The following FGFR2 variants were observed in gnomAD, a reference collection of about 807,000 sequenced individuals.
FGFR2 encodes the protein BEK fibroblast growth factor receptor.
Under a neutral mutation model 95.9 loss-of-function variants are expected in FGFR2, and 19 were observed. That is an observed-to-expected ratio of 0.20 (90% CI 0.14 to 0.29). FGFR2 has a LOEUF of 0.29. FGFR2 is among the 10% of genes least tolerant of loss of function. The pLI, the probability that FGFR2 is intolerant of heterozygous loss-of-function variation, is 1.00. For synonymous variants in FGFR2, 392 were observed against 393.3 expected (o/e 1.00, Z 0.04); for missense variants, 707 against 1,056.9 (o/e 0.67, Z 4.59).
At position 121,479,940 on chromosome 10, in the gene FGFR2, C is replaced by A. The variant is rs1024846807; in HGVS notation, c.2383G>T (p.Asp795Tyr). Residue 795 changes from aspartate (D) to tyrosine (Y), a missense_variant, in exon 18 of 18, where the codon GAT becomes TAT. Asp to Tyr is a radical substitution (Grantham distance 160, BLOSUM62 -3). Transcript: ENST00000358487. ...DTRSSCSSGD[D>Y]SVFSPDPMPY... Reference sequence around the variant, plus strand: ...ATGGGGTCTGGAGAAAAAACAGAATCATCTCCTGAAGAACAAGAACTTCTT... The same window carrying A: ...ATGGGGTCTGGAGAAAAAACAGAATAATCTCCTGAAGAACAAGAACTTCTT... 1 of 1,614,152 alleles carries A rather than the reference C, an allele frequency of 6.2e-7. No individual in the cohort carries two copies. Among genetic ancestry groups the A allele is most frequent in the Non-Finnish European group, 8.5e-7 (1 of 1,180,020 alleles).
At chr10:121,520,644 A>C (rs1331580111) in intron 6 of FGFR2, among the ~76,000 whole-genome samples, 2 of 151,424 alleles carry the variant, frequency 1.3e-5, no homozygotes, top group East Asian at 1.9e-4. Context: ...CTCCCAATAC[A>C]TTTTTTTTTC....
intron 9 of FGFR2, among the ~76,000 whole-genome samples, chr10:121,511,777 T>C (rs1208743326): frequency 6.6e-6 from 1 of 152,230 alleles, no homozygotes; most frequent in African/African-American, 2.4e-5. Flanking sequence ...TTCAACCATG[T>C]GCATACAAAG....
chr10:121,558,521 AG>A (rs1856498528), intron 4 of FGFR2, among the ~76,000 whole-genome samples: 1 of 152,256 alleles, frequency 6.6e-6, no homozygotes, highest in Non-Finnish European at 1.5e-5. Flanking sequence ...TCTGTGATGA[AG>A]AAACCAACTT....
chr10:121,593,784 C>A lies in FGFR2; in HGVS notation c.34G>T (p.Val12Leu). ...VSWGRFICLV[V>L]VTMATLSLAR... is the part of the protein sequence containing the mutation. ...AGGGACAAGGTTGCCATGGTGACCA[C>A]GACCAGGCAGATGAAACGACCCCAG... is the stretch of plus-strand genomic sequence containing the variant. Residue 12 changes from valine (V) to leucine (L), a missense_variant, in exon 2 of 18, where the codon GTG (valine) becomes TTG (leucine). Physicochemically the swap from Val to Leu is conservative, Grantham distance 32 (BLOSUM62 1). Around this residue, in one of 7 missense-constraint regions of FGFR2, gnomAD observed 178 missense variants for 194.1 expected, o/e 0.92. Coordinates refer to ENST00000358487, the MANE Select transcript of FGFR2 (RefSeq NM_000141.5). 1 of 1,614,196 alleles carries A rather than the reference C, an allele frequency of 6.2e-7. No homozygotes were observed.
chr10:121,509,482 CTT>C (rs67778522), intron 9 of FGFR2, among the ~76,000 whole-genome samples: 241 of 45,320 alleles, frequency 5.3e-3, no homozygotes, highest in African/African-American at 0.015. Context: ...TGTTTCTTTT[CTT>C]TTTTTTTTTT....
chr10:121,484,318 C>T (rs1845132865), intron 16 of FGFR2, among the ~76,000 whole-genome samples: 1 of 152,142 alleles, frequency 6.6e-6, no homozygotes, highest in South Asian at 2.1e-4. Context: ...ATGAATTAAT[C>T]TGCCACCACT....
Position 121,486,784 on chromosome 10 carries a change from G to A in FGFR2, c.2057+570C>T, listed in dbSNP as rs3793893. Among the ~76,000 whole-genome samples the A allele has an allele frequency of 9.8e-3, 1,494 of 152,242 alleles. 85 individuals are homozygous for A. The East Asian group carries it at 0.19, about 19-fold the overall frequency. ...AAATCTAAAATATCAGTTGGAGCCT[G>A]ACCCCACTGGTTTTGTCAGTATATC... is the stretch of plus-strand genomic sequence containing the variant. On this transcript the variant is annotated intron_variant, in intron 15 of 17. Coordinates refer to ENST00000358487, the MANE Select transcript of FGFR2 (RefSeq NM_000141.5).
In FGFR2 at chr10:121,503,669, C is replaced by T. The variant is rs1032575778; in HGVS notation, c.1439+121G>A. The stretch of plus-strand genomic sequence containing the variant: ...GGTTATTTAGAAATACAATCTTACT[C>T]CTGCTGACATCATCACACCAAGACC... On this transcript the variant is annotated intron_variant, in intron 10 of 17. Transcript: ENST00000358487. 2.3e-5 allele frequency: 25 copies of T among 1,074,340 alleles called. No homozygotes were observed. The African/African-American group carries it at 3.7e-4, about 16-fold the overall frequency. 66.6% of individuals were successfully genotyped at this position (1,074,340 alleles called of 1,614,324 possible). A position where few individuals can be genotyped will look rare whatever the true frequency, so the allele number is the denominator to read the frequency against.
chr10:121,511,585 TCTGG>T (rs1371604755), intron 9 of FGFR2, among the ~76,000 whole-genome samples: 2 of 152,168 alleles, frequency 1.3e-5, no homozygotes, highest in Admixed American at 6.5e-5. Context: ...GATGCCCCTC[TCTGG>T]GCTGGCTGTT....
chr10:121,592,586 C>T (rs1486545742), intron 2 of FGFR2, among the ~76,000 whole-genome samples: 2 of 152,194 alleles, frequency 1.3e-5, no homozygotes, highest in Non-Finnish European at 2.9e-5. Context: ...TCTCTCAGAA[C>T]TCTCATCTCA....
At chr10:121,587,751 G>A (rs773795446) in intron 2 of FGFR2, among the ~76,000 whole-genome samples, 1 of 152,194 alleles carries the variant, frequency 6.6e-6, no homozygotes, top group Non-Finnish European at 1.5e-5. Flanking sequence ...AATAGATGCT[G>A]GTGAGATTGC....
intron 5 of FGFR2, among the ~76,000 whole-genome samples, chr10:121,540,083 A>C (rs889289965): frequency 2.6e-5 from 4 of 152,198 alleles, no homozygotes. Flanking sequence ...AGTCTTAGAA[A>C]GGATCACTGG....
At chr10:121,523,324 C>T (rs1044428911) in intron 6 of FGFR2, among the ~76,000 whole-genome samples, 1 of 152,206 alleles carries the variant, frequency 6.6e-6, no homozygotes, top group African/African-American at 2.4e-5. Context: ...CCCTTGCTCT[C>T]TGGCTCATAC....
intron 9 of FGFR2, among the ~76,000 whole-genome samples, chr10:121,507,371 T>C (rs917647428): frequency 6.6e-6 from 1 of 152,228 alleles, no homozygotes; most frequent in African/African-American, 2.4e-5. Context: ...GCAGATCTTC[T>C]GAGGTCAGGA....
chr10:121,558,977 C>G (rs184091247), intron 4 of FGFR2, among the ~76,000 whole-genome samples: 173 of 152,214 alleles, frequency 1.1e-3, no homozygotes, highest in African/African-American at 3.9e-3. Flanking sequence ...TAGCAGGCAG[C>G]TGAGCTTGCC....
chr10:121,542,781 G>A (rs373962452), intron 5 of FGFR2, among the ~76,000 whole-genome samples: 10 of 152,186 alleles, frequency 6.6e-5, no homozygotes, highest in African/African-American at 2.2e-4. Flanking sequence ...CAGGTTTTTC[G>A]GAATTCTTCT....
At chr10:121,519,591 G>C (rs1850204047) in intron 7 of FGFR2, among the ~76,000 whole-genome samples, 1 of 152,126 alleles carries the variant, frequency 6.6e-6, no homozygotes, top group Non-Finnish European at 1.5e-5. Context: ...ACAATGCCTT[G>C]AGCCTACAAA....
At chr10:121,584,164 T>C (rs1402295075) in intron 2 of FGFR2, among the ~76,000 whole-genome samples, 33 of 151,962 alleles carry the variant, frequency 2.2e-4, no homozygotes, top group Non-Finnish European at 1.0e-4. Flanking sequence ...TCAGCTCCTG[T>C]CCACTTCAGT....
Position 121,538,629 on chromosome 10 carries a change from G to T in FGFR2, c.711C>A (p.Tyr237Ter). The change falls in exon 6 of 18, where the codon TAC becomes TAA. Residue 237 changes from tyrosine to a stop codon, truncating the protein, a stop_gained. Coordinates refer to ENST00000358487, the MANE Select transcript of FGFR2 (RefSeq NM_000141.5). LOFTEE classifies it high-confidence loss of function. ...GNYTCVVENE[Y>*]GSINHTYHLD... The stretch of plus-strand genomic sequence containing the variant: ...GGTGGTACGTGTGATTGATGGACCC[G>T]TATTCATTCTCCACTACACAGGTAT... The T allele has an allele frequency of 6.2e-7, 1 of 1,614,144 alleles. No individual in the cohort carries two copies. Among genetic ancestry groups the T allele is most frequent in the Non-Finnish European group, 8.5e-7 (1 of 1,180,010 alleles).
Sources: allele counts gnomAD v4.1 joint callset (sites outside exome capture counted in the v4.1 genomes callset), GRCh38; gene constraint gnomAD v4.1.1; regional missense constraint gnomAD v4.1.1; transcripts MANE v1.5; gene names NCBI Gene and HGNC (gene_info 2026-07-23, HGNC 2026-07-21).